Variants in RGS6 observed in about 807,000 individuals in gnomAD.
RGS6 encodes the protein regulator of G protein signaling 6, also known as regulator of G-protein signaling 6.
Under a neutral mutation model 78.5 loss-of-function variants are expected in RGS6, and 30 were observed. That is an observed-to-expected ratio of 0.38 (90% CI 0.29 to 0.52). RGS6 has a LOEUF of 0.52. RGS6 is among the 20% of genes least tolerant of loss of function. The pLI is 0.85. For synonymous variants in RGS6, 206 were observed against 206.0 expected (o/e 1.00, Z 0.00); for missense variants, 495 against 609.7 (o/e 0.81, Z 1.98).
At chr14:72,355,501 T>A (rs1015331007) in intron 3 of RGS6, among the ~76,000 whole-genome samples, 5 of 152,206 alleles carry the variant, frequency 3.3e-5, no homozygotes, top group Admixed American at 6.5e-5. Flanking sequence ...TTCATTTTTT[T>A]AAATTTATTC....
At chr14:72,489,316 C>A (rs916195817) in intron 12 of RGS6, among the ~76,000 whole-genome samples, 2 of 152,186 alleles carry the variant, frequency 1.3e-5, no homozygotes, top group African/African-American at 4.8e-5. Context: ...CGGTTTTCTG[C>A]TGCTGGCTTG....
rs1356757829 is a variant in RGS6 at position 72,563,457 on chromosome 14, C to T, written c.*990C>T. The T allele has an allele frequency of 6.5e-6, 1 of 153,234 alleles. No individual in the cohort carries two copies. The highest frequency in any genetic ancestry group is 1.5e-5 in the Non-Finnish European group (1 of 68,680). 9.5% of individuals were successfully genotyped at this position (153,234 alleles called of 1,614,324 possible). A position where few individuals can be genotyped will look rare whatever the true frequency, so the allele number is the denominator to read the frequency against. On this transcript the variant is annotated 3_prime_UTR_variant, in exon 18 of 18. Transcript: ENST00000553525. ...CAGCCCCCACGTGGTGGCATCCTGA[C>T]AGGCACAGTGAGACCCTTGCTGGGT... is the stretch of plus-strand genomic sequence containing the variant.
intron 3 of RGS6, among the ~76,000 whole-genome samples, chr14:72,448,506 TAA>T (rs2095420485): frequency 7.3e-6 from 1 of 136,506 alleles, no homozygotes; most frequent in Non-Finnish European, 1.7e-5. Flanking sequence ...AATTAAGGCA[TAA>T]AAGAAAAAAA....
chr14:72,480,769 A>G (rs902002422), intron 12 of RGS6, among the ~76,000 whole-genome samples: 1 of 152,120 alleles, frequency 6.6e-6, no homozygotes, highest in Non-Finnish European at 1.5e-5. Flanking sequence ...GCACATCCAC[A>G]TCCACATCCC....
rs2097700919 is a variant in RGS6, at chr14:72,564,514, T to C, written c.*2047T>C. ...GTCTAAGTTCATTTGCCCCCAGCCT[T>C]GCCCAAGGATCCCCGGGCTGTGCTG... is the stretch of plus-strand genomic sequence containing the variant. On this transcript the variant is annotated 3_prime_UTR_variant, in exon 18 of 18. Transcript: ENST00000553525. 6.6e-6 allele frequency: 1 copy of C among 152,308 alleles called. No individual in the cohort carries two copies. Among genetic ancestry groups the C allele is most frequent in the African/African-American group, 2.4e-5 (1 of 41,456 alleles). 9.4% of individuals were successfully genotyped at this position (152,308 alleles called of 1,614,324 possible).
intron 3 of RGS6, among the ~76,000 whole-genome samples, chr14:72,405,084 C>G (rs1470770933): frequency 6.6e-6 from 1 of 152,148 alleles, no homozygotes; most frequent in Non-Finnish European, 1.5e-5. Flanking sequence ...AAAAAAAATC[C>G]TTGACAATCA....
intron 2 of RGS6, among the ~76,000 whole-genome samples, chr14:72,067,753 T>C (rs1437588137): frequency 1.3e-5 from 2 of 152,250 alleles, no homozygotes; most frequent in Non-Finnish European, 2.9e-5. Context: ...CTTGTAGGTC[T>C]GGCCTTGCTT....
At chr14:72,105,906 T>A (rs2095623369) in intron 2 of RGS6, among the ~76,000 whole-genome samples, 1 of 152,182 alleles carries the variant, frequency 6.6e-6, no homozygotes, top group Non-Finnish European at 1.5e-5. Context: ...CATGAAATAT[T>A]TTTCCTATGA....
intron 6 of RGS6, among the ~76,000 whole-genome samples, chr14:72,461,178 G>T (rs1256344495): frequency 6.6e-6 from 1 of 152,156 alleles, no homozygotes; most frequent in African/African-American, 2.4e-5. Context: ...GCCCAACTCA[G>T]AATTTGAATA....
chr14:72,220,971 TATC>T (rs1017521820), intron 2 of RGS6, among the ~76,000 whole-genome samples: 7 of 152,290 alleles, frequency 4.6e-5, no homozygotes, highest in African/African-American at 1.7e-4. Flanking sequence ...AAATCCTCCT[TATC>T]AGCAGCAGCA....
chr14:71,884,264 A>G, the RGS6 span, among the ~76,000 whole-genome samples: 1 of 152,228 alleles, frequency 6.6e-6, no homozygotes, highest in Non-Finnish European at 1.5e-5. Context: ...TCATGATAGA[A>G]TGTGGGCAAA....
chr14:72,137,947 T>A (rs886867485), intron 2 of RGS6, among the ~76,000 whole-genome samples: 68 of 152,142 alleles, frequency 4.5e-4, no homozygotes, highest in African/African-American at 1.6e-3. Context: ...TCTAATCATA[T>A]GGTTGGTTCC....
chr14:72,159,829 ATTCTC>A (rs1234961299), intron 2 of RGS6, among the ~76,000 whole-genome samples: 2 of 152,168 alleles, frequency 1.3e-5, no homozygotes, highest in African/African-American at 4.8e-5. Context: ...AGAAATCTCT[ATTCTC>A]TTAGTGATGA....
At chr14:72,047,532 C>T (rs551931820) in intron 2 of RGS6, among the ~76,000 whole-genome samples, 123 of 152,204 alleles carry the variant, frequency 8.1e-4, no homozygotes, top group African/African-American at 2.4e-3. Flanking sequence ...GGCAAGTGAC[C>T]GCTGAGAGAA....
At chr14:72,046,354 T>C (rs898310427) in intron 2 of RGS6, among the ~76,000 whole-genome samples, 1 of 152,228 alleles carries the variant, frequency 6.6e-6, no homozygotes, top group Non-Finnish European at 1.5e-5. Flanking sequence ...ATCTTATGTT[T>C]GGCAGCCTGA....
At chr14:72,433,144 C>T (rs575652665) in intron 3 of RGS6, among the ~76,000 whole-genome samples, 35 of 152,280 alleles carry the variant, frequency 2.3e-4, no homozygotes, top group African/African-American at 8.4e-4. Flanking sequence ...TCATGTGATG[C>T]AAAGAATTTC....
chr14:71,868,173 T>C, the RGS6 span, among the ~76,000 whole-genome samples: 1 of 151,782 alleles, frequency 6.6e-6, no homozygotes, highest in Non-Finnish European at 1.5e-5. Context: ...TCAGGGAGAG[T>C]TGACTGTGTC....
At chr14:72,025,064 G>A (rs1049151356) in intron 2 of RGS6, among the ~76,000 whole-genome samples, 2 of 152,168 alleles carry the variant, frequency 1.3e-5, no homozygotes, top group Non-Finnish European at 2.9e-5. Flanking sequence ...GAGACTATAC[G>A]TGTCCCTATG....
At chr14:72,111,507 G>A (rs1485414079) in intron 2 of RGS6, among the ~76,000 whole-genome samples, 1 of 152,136 alleles carries the variant, frequency 6.6e-6, no homozygotes, top group Non-Finnish European at 1.5e-5. Context: ...GGGAAGACAA[G>A]GATGAGTCAT....
Sources: allele counts gnomAD v4.1 joint callset (sites outside exome capture counted in the v4.1 genomes callset), GRCh38; gene constraint gnomAD v4.1.1; transcripts MANE v1.5; gene names NCBI Gene and HGNC (gene_info 2026-07-23, HGNC 2026-07-21).